Variants in RASSF6 observed in about 807,000 individuals in gnomAD.
RASSF6 encodes Ras association domain family member 6, also known as ras association domain-containing protein 6.
Under a neutral mutation model 44.0 loss-of-function variants are expected in RASSF6, and 52 were observed. The ratio of observed to expected loss-of-function variants is 1.18; its 90% CI spans 0.95 to 1.49. The LOEUF (loss-of-function observed/expected upper bound fraction) is 1.49. Ranked by LOEUF, RASSF6 falls within the 40% of genes most tolerant of loss-of-function variation. RASSF6 has a pLI of 0.00. For synonymous variants in RASSF6, 162 were observed against 124.6 expected, an observed-to-expected ratio of 1.30 and a Z score of -2.00; for missense variants, 464 against 393.3, an observed-to-expected ratio of 1.18 and a Z score of -1.52.
At chr4:73,587,698 T>C in intron 5 of RASSF6, 142 bp downstream of exon 5, 1 of 407,782 alleles carries the variant, frequency 2.5e-6, no homozygotes, top group Non-Finnish European at 4.4e-6. Context: ...GCTCCTAAGA[T>C]ATTTAAAAAT....
At chr4:73,615,495 A>G (rs577750215) in intron 1 of RASSF6, among the ~76,000 whole-genome samples, 1 of 152,336 alleles carries the variant, frequency 6.6e-6, no homozygotes, top group South Asian at 2.1e-4. Context: ...CTTACTTGGG[A>G]TGTTCAGTAA....
chr4:73,620,575 C>T (rs529134860), upstream of RASSF6: 206 of 1,153,924 alleles, frequency 1.8e-4, no homozygotes, highest in South Asian at 2.5e-3. Flanking sequence ...AATTATTTCT[C>T]CTTTTCGCCA....
At chr4:73,602,821 G>C (rs766166545) in intron 2 of RASSF6, among the ~76,000 whole-genome samples, 2 of 152,212 alleles carry the variant, frequency 1.3e-5, no homozygotes, top group Non-Finnish European at 2.9e-5. Context: ...AGGCGCGGTG[G>C]CTCATGCCTG....
chr4:73,594,405 T>G (rs1173300189), intron 3 of RASSF6, among the ~76,000 whole-genome samples: 8 of 152,232 alleles, frequency 5.3e-5, no homozygotes, highest in Non-Finnish European at 1.0e-4. Flanking sequence ...ACTCAATTCT[T>G]ATTTGAGAGC....
At chr4:73,605,125 G>A (rs533773726) in intron 2 of RASSF6, among the ~76,000 whole-genome samples, 14 of 152,096 alleles carry the variant, frequency 9.2e-5, no homozygotes, top group African/African-American at 3.4e-4. Flanking sequence ...CCTGACCTCA[G>A]ATGATCCACC....
intron 6 of RASSF6, among the ~76,000 whole-genome samples, chr4:73,584,093 C>T (rs1478860761): frequency 6.6e-6 from 1 of 152,036 alleles, no homozygotes; most frequent in African/African-American, 2.4e-5. Context: ...CTGTGGGGGA[C>T]TATCAATGCT....
intron 3 of RASSF6, among the ~76,000 whole-genome samples, chr4:73,594,632 C>T (rs1455758039): frequency 6.6e-6 from 1 of 152,180 alleles, no homozygotes; most frequent in Non-Finnish European, 1.5e-5. Flanking sequence ...GATAAACTTG[C>T]TTTGGAATCA....
rs1276823548 is a variant in RASSF6, at chr4:73,576,172, C to T, written c.*63G>A. The T allele has an allele frequency of 3.2e-5, 27 of 844,708 alleles. No individual in the cohort carries two copies. The highest frequency in any genetic ancestry group is 4.6e-5 in the Non-Finnish European group (24 of 523,554). 52.3% of individuals were successfully genotyped at this position (844,708 alleles called of 1,614,324 possible). On this transcript the variant is annotated 3_prime_UTR_variant, in exon 11 of 11. Transcript: ENST00000307439. The stretch of plus-strand genomic sequence containing the variant: ...TATAAATGCAAGTACAGAACTTATG[C>T]ATTCATCAAAGAGTAATATCTCTGA...
At position 73,581,724 on chromosome 4, in the gene RASSF6, A is replaced by G. The variant is rs1723661715; in HGVS notation, c.721+93T>C. The G allele has an allele frequency of 7.8e-6, 6 of 767,780 alleles. No homozygotes were observed. In the Admixed American group the frequency reaches 1.3e-4, roughly 17 times the overall value. 47.6% of individuals were successfully genotyped at this position (767,780 alleles called of 1,614,324 possible). On this transcript the variant is annotated intron_variant, in intron 8 of 10. Transcript: ENST00000307439. ...TCCTACCCATTCCTCCCCTTTCTCCACAGAATGAGGCAAACTGTTCTTCTG... is the reference window on the plus strand; with the variant it reads ...TCCTACCCATTCCTCCCCTTTCTCCGCAGAATGAGGCAAACTGTTCTTCTG...
intron 3 of RASSF6, among the ~76,000 whole-genome samples, chr4:73,598,418 C>T (rs997051388): frequency 6.6e-6 from 1 of 152,100 alleles, no homozygotes; most frequent in Non-Finnish European, 1.5e-5. Context: ...TTAAAATATT[C>T]ATATTCTATT....
intron 4 of RASSF6, 35 bp downstream of exon 4, chr4:73,593,416 C>T: frequency 6.3e-7 from 1 of 1,582,100 alleles, no homozygotes. Flanking sequence ...TGAAGATCAT[C>T]TTCTGAGGAA....
At chr4:73,584,504 G>C (rs1018384754) in intron 6 of RASSF6, among the ~76,000 whole-genome samples, 7 of 152,166 alleles carry the variant, frequency 4.6e-5, no homozygotes, top group Non-Finnish European at 1.0e-4. Context: ...AAAGCAGAAT[G>C]TGAATTGTAT....
chr4:73,587,659 A>G lies in RASSF6; in HGVS notation c.382+181T>C, dbSNP rs192637733. On this transcript the variant is annotated intron_variant, in intron 5 of 10. Coordinates refer to ENST00000307439, the MANE Select transcript of RASSF6 (RefSeq NM_177532.5). Reference sequence around the variant, plus strand: ...CCAAAGTAAGGTTCTTAAACATCATACAAGCACTATAGTGACTTAAGTTAC... The same window carrying G: ...CCAAAGTAAGGTTCTTAAACATCATGCAAGCACTATAGTGACTTAAGTTAC... Among the ~76,000 whole-genome samples the G allele has an allele frequency of 3.4e-4, 52 of 152,104 alleles. 2 individuals carry two copies. The highest frequency in any genetic ancestry group is 1.2e-3 in the African/African-American group (51 of 41,560).
At chr4:73,600,325 A>G (rs1476763384) in intron 2 of RASSF6, among the ~76,000 whole-genome samples, 1 of 152,116 alleles carries the variant, frequency 6.6e-6, no homozygotes, top group Non-Finnish European at 1.5e-5. Flanking sequence ...ATCGGGAAAT[A>G]TTCATTGCCT....
At position 73,576,439 on chromosome 4, in the gene RASSF6, C is replaced by G. The variant is rs765115658; in HGVS notation, c.909G>C (p.Glu303Asp). 2 of 1,580,404 alleles carry G rather than the reference C, an allele frequency of 1.3e-6. No homozygotes were observed. Among genetic ancestry groups the G allele is most frequent in the African/African-American group, 2.7e-5 (2 of 73,868 alleles). Reference protein sequence around the residue: ...ESILQRLNEEEKREIQRIVTK... With the variant: ...ESILQRLNEEDKREIQRIVTK... ...TTACTATTCTTTGAATCTCTCTTTT[C>G]TCTTCTTCATTTAATCTTTGAAGAA... Residue 303 changes from glutamate (E) to aspartate (D), a missense_variant, in exon 10 of 11, where the codon GAG becomes GAC. By Grantham distance (45) the Glu-to-Asp change is conservative. Coordinates refer to ENST00000307439, the MANE Select transcript of RASSF6 (RefSeq NM_177532.5).
intron 5 of RASSF6, among the ~76,000 whole-genome samples, chr4:73,586,306 C>T (rs1724084041): frequency 6.6e-6 from 1 of 151,796 alleles, no homozygotes; most frequent in African/African-American, 2.4e-5. Flanking sequence ...AACAATGATT[C>T]ATAATTGATT....
At chr4:73,582,873 G>C (rs112436780) in intron 6 of RASSF6, among the ~76,000 whole-genome samples, 283 of 152,152 alleles carry the variant, frequency 1.9e-3, no homozygotes, top group African/African-American at 6.5e-3. Context: ...ATTTGTGTGA[G>C]TAAAAATGTG....
At chr4:73,613,804 G>T (rs1442640811) in intron 1 of RASSF6, among the ~76,000 whole-genome samples, 2 of 152,102 alleles carry the variant, frequency 1.3e-5, no homozygotes, top group Non-Finnish European at 2.9e-5. Context: ...CTCAACACTA[G>T]TCTCCTTTGC....
At chr4:73,615,952 T>C (rs1726326069) in intron 1 of RASSF6, 3 of 1,547,798 alleles carry the variant, frequency 1.9e-6, no homozygotes, top group Middle Eastern at 1.7e-4. Context: ...ACAAATTAAA[T>C]CAAATGGGTC....
Sources: gnomAD v4.1 joint callset for allele counts (sites outside exome capture counted in the v4.1 genomes callset) on GRCh38, gnomAD v4.1.1 for gene constraint, MANE v1.5 for transcripts, NCBI Gene and HGNC (gene_info 2026-07-23, HGNC 2026-07-21) for gene names.